CD244: variants seen among roughly 807,000 people sequenced by gnomAD.
CD244 encodes CD244 molecule.
Under a neutral mutation model 45.5 loss-of-function variants are expected in CD244, and 20 were observed. That is an observed-to-expected ratio of 0.44 (90% CI 0.31 to 0.64). CD244 has a LOEUF of 0.64. Ranked by LOEUF, CD244 falls within the 30% of genes least tolerant of loss-of-function variation. The pLI is 0.08. For missense variants in CD244, 407 were observed against 426.9 expected, an observed-to-expected ratio of 0.95 and a Z score of 0.41; for synonymous variants, 185 against 160.5, an observed-to-expected ratio of 1.15 and a Z score of -1.15.
At chr1:160,842,997 G>A (rs182268944) in intron 1 of CD244, among the ~76,000 whole-genome samples, 51 of 152,254 alleles carry the variant, frequency 3.3e-4, no homozygotes, top group African/African-American at 9.6e-4. Context: ...AATAAGAGAT[G>A]GGGAGAGTTT....
In CD244 at chr1:160,836,211, G is replaced by A. The variant is rs755005955; in HGVS notation, c.878C>T (p.Ser293Phe). 1 of 1,613,786 alleles carries A rather than the reference G, an allele frequency of 6.2e-7. No individual in the cohort carries two copies. The highest frequency in any genetic ancestry group is 2.2e-5 in the East Asian group (1 of 44,882). ...TFPGGGSTIY[S>F]MIQSQSSAPT... The stretch of plus-strand genomic sequence containing the variant: ...GAGAGGTACCTGGGACTGGATCATA[G>A]AGTAGATGGTGCTCCCCCCTCCAGG... Residue 293 changes from serine (S) to phenylalanine (F), a missense_variant, in exon 6 of 9, where the codon TCT becomes TTT. Physicochemically the swap from Ser to Phe is radical, Grantham distance 155 (BLOSUM62 -2). Transcript: ENST00000368034.
chr1:160,858,372 T>C (rs529297536), intron 1 of CD244, among the ~76,000 whole-genome samples: 109 of 152,304 alleles, frequency 7.2e-4, no homozygotes, highest in Middle Eastern at 3.4e-3. Flanking sequence ...CTGGCAACCC[T>C]TGGAGCTAAT....
At chr1:160,844,655 G>A (rs1669668300) in intron 1 of CD244, among the ~76,000 whole-genome samples, 1 of 152,182 alleles carries the variant, frequency 6.6e-6, no homozygotes, top group South Asian at 2.1e-4. Context: ...ACAGAGATAA[G>A]CCAACACAGC....
intron 7 of CD244, chr1:160,832,820 G>C (rs1669172650): frequency 3.4e-6 from 2 of 591,838 alleles, no homozygotes; most frequent in Non-Finnish European, 5.9e-6. Flanking sequence ...AGAATTTGCT[G>C]TTCCATACCC....
chr1:160,861,222 A>G (rs1210329549), intron 1 of CD244, among the ~76,000 whole-genome samples: 1 of 152,058 alleles, frequency 6.6e-6, no homozygotes, highest in African/African-American at 2.4e-5. Flanking sequence ...CCCACCCACA[A>G]GAGCTGCAGG....
At chr1:160,842,040 A>G (rs2990703) in intron 1 of CD244, 139 bp from the exon 2 acceptor site, 303,341 of 636,568 alleles carry the variant, frequency 0.48, 75,226 homozygotes, top group African/African-American at 0.72. Flanking sequence ...ACCTTAAAGC[A>G]TATCCCCTCC....
intron 1 of CD244, among the ~76,000 whole-genome samples, chr1:160,859,495 TG>T (rs1670218390): frequency 2.0e-5 from 3 of 152,196 alleles, no homozygotes; most frequent in African/African-American, 7.2e-5. Context: ...TGACTCCTGA[TG>T]GGATGCGCTG....
intron 3 of CD244, among the ~76,000 whole-genome samples, chr1:160,839,785 A>G (rs1343974851): frequency 1.3e-5 from 2 of 152,180 alleles, no homozygotes; most frequent in Non-Finnish European, 2.9e-5. Context: ...AGCACAACAA[A>G]TGTTACATTT....
chr1:160,851,791 C>T (rs1174439655), intron 1 of CD244, among the ~76,000 whole-genome samples: 2 of 152,288 alleles, frequency 1.3e-5, no homozygotes, highest in Non-Finnish European at 2.9e-5. Flanking sequence ...GATCCACCCG[C>T]CTTGGCCTCC....
At chr1:160,853,573 T>C (rs11265496) in intron 1 of CD244, among the ~76,000 whole-genome samples, 81,167 of 151,940 alleles carry the variant, frequency 0.53, 23,211 homozygotes, top group African/African-American at 0.75. Flanking sequence ...CTGTTCTGAC[T>C]ATTAACTAAG....
At chr1:160,838,305 G>T in intron 5 of CD244, 146 bp downstream of exon 5, 1 of 711,654 alleles carries the variant, frequency 1.4e-6, no homozygotes, top group South Asian at 1.6e-5. Context: ...GGAAGCAGGT[G>T]GAGAAAAGAT....
At chr1:160,856,895 A>C (rs1245133777) in intron 1 of CD244, among the ~76,000 whole-genome samples, 1 of 141,034 alleles carries the variant, frequency 7.1e-6, no homozygotes, top group Admixed American at 6.9e-5. Flanking sequence ...CCAATAGAAT[A>C]GGAAAAAAAA....
intron 3 of CD244, 152 bp downstream of exon 3, chr1:160,841,058 G>T (rs931565641): frequency 1.4e-5 from 10 of 694,626 alleles, no homozygotes; most frequent in Non-Finnish European, 2.2e-5. Context: ...GGAACTGTGT[G>T]CCTGGAGGCC....
At chr1:160,851,012 G>A (rs1378111224) in intron 1 of CD244, among the ~76,000 whole-genome samples, 1 of 152,204 alleles carries the variant, frequency 6.6e-6, no homozygotes, top group African/African-American at 2.4e-5. Flanking sequence ...TTATTACAAA[G>A]GGTACCTATG....
At chr1:160,837,505 A>T (rs1557832776) in intron 5 of CD244, among the ~76,000 whole-genome samples, 1 of 152,182 alleles carries the variant, frequency 6.6e-6, no homozygotes. Flanking sequence ...TAAAGATAAA[A>T]ATAAAAAAAC....
chr1:160,860,723 GT>G (rs1341450463), intron 1 of CD244, among the ~76,000 whole-genome samples: 1 of 152,216 alleles, frequency 6.6e-6, no homozygotes, highest in Non-Finnish European at 1.5e-5. Context: ...GTGATAAAAT[GT>G]TAATTGGTGA....
chr1:160,848,241 T>C, intron 1 of CD244: 2 of 555,542 alleles, frequency 3.6e-6, no homozygotes, highest in South Asian at 2.8e-5. Context: ...GGCAAGTTCA[T>C]CTATGGGGTG....
intron 1 of CD244, among the ~76,000 whole-genome samples, chr1:160,861,108 T>G (rs1670285971): frequency 6.6e-6 from 1 of 152,174 alleles, no homozygotes; most frequent in Admixed American, 6.5e-5. Context: ...CAGGCACCAA[T>G]CCCATCAGTC....
rs1459519907 is a variant in CD244 at position 160,830,192 on chromosome 1, G to A, written c.*1155C>T. Reference sequence around the variant, plus strand: ...GATACATAAATTTAATTCAGGCAAGGAATTCAGACTGCATCTGCATGATAT... The same window carrying A: ...GATACATAAATTTAATTCAGGCAAGAAATTCAGACTGCATCTGCATGATAT... On this transcript the variant is annotated 3_prime_UTR_variant, in exon 9 of 9. Transcript: ENST00000368034. 6.6e-6 allele frequency: 1 copy of A among 152,354 alleles called. No individual in the cohort carries two copies. The highest frequency in any genetic ancestry group is 1.5e-5 in the Non-Finnish European group (1 of 68,042). The allele number at this position is 152,354 out of a possible 1,614,324, so 9.4% of individuals were successfully genotyped here. A position where few individuals can be genotyped will look rare whatever the true frequency, so the allele number is the denominator to read the frequency against.
Sources: allele counts gnomAD v4.1 joint callset (sites outside exome capture counted in the v4.1 genomes callset), GRCh38; gene constraint gnomAD v4.1.1; transcripts MANE v1.5; gene names NCBI Gene and HGNC (gene_info 2026-07-23, HGNC 2026-07-21).